Variants in RYR2 observed in about 807,000 individuals in gnomAD.
The protein encoded by RYR2 is cardiac muscle ryanodine receptor-calcium release channel.
A neutral mutation model predicts 601.1 loss-of-function variants in RYR2; 227 were observed. The ratio of observed to expected loss-of-function variants is 0.38; its 90% CI spans 0.34 to 0.42. RYR2 has a LOEUF of 0.42. Among genes scored for constraint, RYR2 ranks in the 10% least tolerant of loss-of-function variants. The pLI is 1.00. For missense variants in RYR2, 4,646 were observed against 6,156.5 expected (o/e 0.75, Z 8.21); for synonymous variants, 2,223 against 2,175.1 (o/e 1.02, Z -0.61).
chr1:237,158,332 A>G (rs2148848267), intron 1 of RYR2, among the ~76,000 whole-genome samples: 1 of 152,330 alleles, frequency 6.6e-6, no homozygotes, highest in African/African-American at 2.4e-5. Flanking sequence ...ACTTACAGAA[A>G]TAAAGGGAAA....
intron 27 of RYR2, among the ~76,000 whole-genome samples, chr1:237,565,654 G>A (rs1409370085): frequency 6.6e-6 from 1 of 152,146 alleles, no homozygotes; most frequent in African/African-American, 2.4e-5. Context: ...ACCATTTTTA[G>A]TTGTGCGATG....
chr1:237,233,861 A>T (rs1022460766), intron 1 of RYR2, among the ~76,000 whole-genome samples: 5 of 144,750 alleles, frequency 3.5e-5, no homozygotes, highest in Non-Finnish European at 7.6e-5. Context: ...TAATTTTTGT[A>T]TTTTTTTTTT....
chr1:237,268,038 T>C (rs760311534), intron 1 of RYR2, among the ~76,000 whole-genome samples: 3 of 152,240 alleles, frequency 2.0e-5, no homozygotes, highest in Non-Finnish European at 4.4e-5. Context: ...GTGTGCCTTC[T>C]CTTCTTCCGG....
chr1:237,472,847 GAA>G (rs916025853), intron 17 of RYR2, among the ~76,000 whole-genome samples: 10 of 152,022 alleles, frequency 6.6e-5, no homozygotes, highest in Admixed American at 6.5e-4. Flanking sequence ...TTAGAGGAAA[GAA>G]AAAGAGTAAA....
chr1:237,749,432 G>GCTA (rs767365793), intron 80 of RYR2, among the ~76,000 whole-genome samples: 3 of 102,810 alleles, frequency 2.9e-5, no homozygotes, highest in Non-Finnish European at 7.0e-5. Flanking sequence ...CTAAATATTT[G>GCTA]CTATTATTAT....
chr1:237,718,098 G>T (rs1040503977), intron 72 of RYR2, among the ~76,000 whole-genome samples: 2 of 152,040 alleles, frequency 1.3e-5, no homozygotes, highest in African/African-American at 4.8e-5. Context: ...GCTATTACTG[G>T]GTCATGGAGG....
chr1:237,095,770 C>T (rs529087773), intron 1 of RYR2, among the ~76,000 whole-genome samples: 6 of 152,302 alleles, frequency 3.9e-5, no homozygotes, highest in African/African-American at 1.4e-4. Flanking sequence ...ATGTAGTGGG[C>T]ATGTGATAAG....
Position 237,732,134 on chromosome 1 carries a change from C to T in RYR2, c.11024C>T (p.Ala3675Val). 6.2e-7 allele frequency: 1 copy of T among 1,606,070 alleles called. No homozygotes were observed. Residue 3675 changes from alanine (A) to valine (V), a missense_variant, in exon 78 of 105, where the codon GCT becomes GTT. By Grantham distance (64) the Ala-to-Val change is moderately conservative. This residue lies in a region of RYR2 where 1,497 missense variants were observed against 1,842.6 expected (regional missense o/e 0.81). Coordinates refer to ENST00000366574, the MANE Select transcript of RYR2 (RefSeq NM_001035.3). ...HQLILLFSRTALTEKCKLEED... is the reference protein window; with the variant it reads ...HQLILLFSRTVLTEKCKLEED... ...CTGATCCTTCTGTTTAGTCGGACAG[C>T]TTTAACAGAGAAATGGTATGGTTGG...
intron 1 of RYR2, among the ~76,000 whole-genome samples, chr1:237,251,604 G>A (rs929301590): frequency 6.6e-6 from 1 of 151,968 alleles, no homozygotes; most frequent in Non-Finnish European, 1.5e-5. Context: ...CTTTTAGATC[G>A]TCCTGTCTTT....
At chr1:237,242,098 CAAAG>C (rs534275529) in intron 1 of RYR2, among the ~76,000 whole-genome samples, 14 of 151,832 alleles carry the variant, frequency 9.2e-5, no homozygotes, top group Non-Finnish European at 1.6e-4. Context: ...TTCAGAGAAA[CAAAG>C]AAAAAGAGGA....
In RYR2 at chr1:237,718,482, A is replaced by T; in HGVS notation, c.10515A>T (p.Val3505=). 6.3e-7 allele frequency: 1 copy of T among 1,594,724 alleles called. No individual in the cohort carries two copies. Among genetic ancestry groups the T allele is most frequent in the Non-Finnish European group, 8.6e-7 (1 of 1,163,272 alleles). Residue 3505 remains valine (V), a synonymous_variant, in exon 73 of 105, where the codon GTA becomes GTT. Transcript: ENST00000366574. ...GACAGAAAGATACCGAGGATGAAGT[A>T]CGAGATATAATCCGCAGCAATATTC... is the stretch of plus-strand genomic sequence containing the variant. ...RFSLKDTEDE[V]RDIIRSNIHL... is the part of the protein sequence containing the mutation.
Position 237,783,942 on chromosome 1 carries a change from C to A in RYR2, c.12230C>A (p.Thr4077Asn). ...LSCAETDENE[T>N]LDYEEFVKRF... ...TGTGCGGAGACGGATGAGAATGAAACCCTCGACTACGAAGAGTTCGTCAAA... is the reference window on the plus strand; with the variant it reads ...TGTGCGGAGACGGATGAGAATGAAAACCTCGACTACGAAGAGTTCGTCAAA... Residue 4077 changes from threonine (T) to asparagine (N), a missense_variant, in exon 90 of 105, where the codon ACC becomes AAC. Transcript: ENST00000366574. 1 of 1,613,508 alleles carries A rather than the reference C, an allele frequency of 6.2e-7. No individual in the cohort carries two copies. Among genetic ancestry groups the A allele is most frequent in the Non-Finnish European group, 8.5e-7 (1 of 1,179,678 alleles).
At chr1:237,343,628 C>T (rs536203819) in intron 3 of RYR2, among the ~76,000 whole-genome samples, 2 of 151,996 alleles carry the variant, frequency 1.3e-5, no homozygotes, top group South Asian at 2.1e-4. Flanking sequence ...AGTTTTGTTT[C>T]TAATAGTTTC....
intron 1 of RYR2, among the ~76,000 whole-genome samples, chr1:237,131,727 C>A (rs550874088): frequency 1.3e-5 from 2 of 151,868 alleles, no homozygotes; most frequent in Non-Finnish European, 2.9e-5. Flanking sequence ...TTCAAATCTG[C>A]ATTTTTTTTT....
At chr1:237,658,213 A>G (rs1683436080) in intron 54 of RYR2, among the ~76,000 whole-genome samples, 191 bp downstream of exon 54, 1 of 152,148 alleles carries the variant, frequency 6.6e-6, no homozygotes, top group Non-Finnish European at 1.5e-5. Context: ...CAAATATGAT[A>G]CCCTTATGAA....
intron 24 of RYR2, among the ~76,000 whole-genome samples, chr1:237,512,320 A>G (rs1665998471): frequency 6.6e-6 from 1 of 152,216 alleles, no homozygotes; most frequent in African/African-American, 2.4e-5. Flanking sequence ...AAAAACCACA[A>G]TAGACCAAAT....
At chr1:237,050,979 CAT>C (rs1430538296) in intron 1 of RYR2, among the ~76,000 whole-genome samples, 2 of 152,218 alleles carry the variant, frequency 1.3e-5, no homozygotes, top group East Asian at 1.9e-4. Flanking sequence ...CACACGCACA[CAT>C]GTGTGCACAA....
chr1:237,693,244 A>T (rs1004551918), intron 63 of RYR2, among the ~76,000 whole-genome samples: 2 of 151,342 alleles, frequency 1.3e-5, no homozygotes, highest in Non-Finnish European at 1.5e-5. Context: ...TAAGAGGTCC[A>T]TGAAAACACT....
At chr1:237,651,114 A>G (rs1342176666) in intron 50 of RYR2, among the ~76,000 whole-genome samples, 2 of 152,238 alleles carry the variant, frequency 1.3e-5, no homozygotes, top group African/African-American at 4.8e-5. Flanking sequence ...AAGTCTTAGG[A>G]AACAGTGGAG....
Sources: allele counts gnomAD v4.1 joint callset (sites outside exome capture counted in the v4.1 genomes callset), GRCh38; gene constraint gnomAD v4.1.1; regional missense constraint gnomAD v4.1.1; transcripts MANE v1.5; gene names NCBI Gene and HGNC (gene_info 2026-07-23, HGNC 2026-07-21).